The following WDR26 variants were observed in gnomAD, a reference collection of about 807,000 sequenced individuals.
WDR26 encodes the protein WD repeat-containing protein 26.
In WDR26, 5 loss-of-function variants were observed where a neutral mutation model predicts 84.1. The ratio of observed to expected loss-of-function variants is 0.06; its 90% CI spans 0.03 to 0.13. The LOEUF is 0.13. Ranked by LOEUF, WDR26 falls within the 10% of genes least tolerant of loss-of-function variation. The pLI, the probability that WDR26 is intolerant of heterozygous loss-of-function variation, is 1.00. For missense variants in WDR26, 642 were observed against 974.9 expected (o/e 0.66, Z 4.55); for synonymous variants, 415 against 389.6 (o/e 1.07, Z -0.77).
At chr1:224,430,795 A>G (rs1674368790) in intron 3 of WDR26, 1 of 152,186 alleles carries the variant, frequency 6.6e-6, no homozygotes, top group African/African-American at 2.4e-5. Flanking sequence ...CTCCCTCACC[A>G]CCATCTACTG....
At chr1:224,396,896 GAA>G in intron 12 of WDR26, among the ~76,000 whole-genome samples, 1 of 110 alleles carries the variant, frequency 9.1e-3, no homozygotes, top group Admixed American at 0.071. Context: ...CTCAAAAAAA[GAA>G]AAGAAAAGAA....
intron 1 of WDR26, among the ~76,000 whole-genome samples, chr1:224,432,179 T>A (rs1389432317): frequency 3.9e-5 from 6 of 152,344 alleles, no homozygotes; most frequent in Non-Finnish European, 5.9e-5. Context: ...GATGACCGTA[T>A]CAGTTAAGAG....
chr1:224,410,281 CAAAAA>C (rs10707541), intron 7 of WDR26, among the ~76,000 whole-genome samples: 1 of 103,158 alleles, frequency 9.7e-6, no homozygotes, highest in Non-Finnish European at 2.0e-5. Context: ...GACTTTGTCT[CAAAAA>C]AAAAAAAAAA....
intron 13 of WDR26, among the ~76,000 whole-genome samples, chr1:224,393,281 A>G (rs1673174850): frequency 6.6e-6 from 1 of 152,248 alleles, no homozygotes; most frequent in Non-Finnish European, 1.5e-5. Context: ...TATGCAAGAC[A>G]GTATATGTAA....
intron 13 of WDR26, among the ~76,000 whole-genome samples, chr1:224,393,157 T>G (rs1673172402): frequency 6.6e-6 from 1 of 152,208 alleles, no homozygotes; most frequent in South Asian, 2.1e-4. Context: ...CCTTTCAGAC[T>G]TAGACTTGAA....
chr1:224,425,871 T>C (rs1328794188), intron 3 of WDR26, among the ~76,000 whole-genome samples: 1 of 152,196 alleles, frequency 6.6e-6, no homozygotes, highest in Non-Finnish European at 1.5e-5. Context: ...TTTCTTCTTT[T>C]TTTTTTGAGA....
intron 1 of WDR26, among the ~76,000 whole-genome samples, chr1:224,432,033 T>C (rs1485216591): frequency 6.6e-6 from 1 of 152,208 alleles, no homozygotes; most frequent in Non-Finnish European, 1.5e-5. Context: ...ATTTAATGCC[T>C]CAATTTAATG....
chr1:224,425,408 T>C (rs1272781600), intron 3 of WDR26, among the ~76,000 whole-genome samples: 2 of 152,222 alleles, frequency 1.3e-5, no homozygotes, highest in African/African-American at 2.4e-5. Flanking sequence ...CACTGATGCA[T>C]TTAAAAGTGA....
At chr1:224,402,269 T>C (rs1673440023) in intron 8 of WDR26, among the ~76,000 whole-genome samples, 1 of 152,166 alleles carries the variant, frequency 6.6e-6, no homozygotes, top group Non-Finnish European at 1.5e-5. Context: ...TTCCCCCAAA[T>C]TGTTAACTAC....
chr1:224,385,194 G>A lies in WDR26; in HGVS notation c.*4641C>T, dbSNP rs1018859954. 1.5e-4 allele frequency: 23 copies of A among 152,062 alleles called. No homozygotes were observed. The highest frequency in any genetic ancestry group is 5.3e-4 in the African/African-American group (22 of 41,410). The allele number at this position is 152,062 out of a possible 1,614,324, so 9.4% of individuals were successfully genotyped here. ...GGATTGAAAGAAAGGGAATACAAAC[G>A]ACTGGTTAAGTGCTGCGCACTGACA... On this transcript the variant is annotated 3_prime_UTR_variant, in exon 14 of 14. Coordinates refer to ENST00000414423, the MANE Select transcript of WDR26 (RefSeq NM_001379403.1).
chr1:224,393,750 A>G (rs1673186156), intron 13 of WDR26, 78 bp downstream of exon 13: 3 of 1,266,238 alleles, frequency 2.4e-6, no homozygotes, highest in African/African-American at 1.5e-5. Context: ...AAACTTGCTT[A>G]AAACTGCTTT....
intron 7 of WDR26, among the ~76,000 whole-genome samples, chr1:224,405,263 ATC>A (rs1385764589): frequency 6.6e-6 from 1 of 152,152 alleles, no homozygotes; most frequent in Non-Finnish European, 1.5e-5. Flanking sequence ...TTAGTATTTA[ATC>A]TCTTTTTATT....
intron 12 of WDR26, among the ~76,000 whole-genome samples, chr1:224,394,495 T>C (rs2102887221): frequency 6.6e-6 from 1 of 150,924 alleles, no homozygotes; most frequent in African/African-American, 2.4e-5. Context: ...AAATGGGTAT[T>C]CTGCTTATCC....
In WDR26 at chr1:224,431,684, T is replaced by C; in HGVS notation, c.820A>G (p.Lys274Glu). The change falls in exon 2 of 14, where the codon AAG becomes GAG. Residue 274 changes from lysine to glutamate, a missense_variant and splice_region_variant. Lys to Glu is a moderately conservative substitution (Grantham distance 56). Transcript: ENST00000414423. ...CAGCTCTATATGCCCTACTTTACCTTATCCCAGTCTCCTTCCATGACATGA... is the reference window on the plus strand; with the variant it reads ...CAGCTCTATATGCCCTACTTTACCTCATCCCAGTCTCCTTCCATGACATGA... 1 of 1,613,624 alleles carries C rather than the reference T, an allele frequency of 6.2e-7. No homozygotes were observed. Among genetic ancestry groups the C allele is most frequent in the Non-Finnish European group, 8.5e-7 (1 of 1,179,594 alleles).
Position 224,434,082 on chromosome 1 carries a change from T to C in WDR26, c.324A>G (p.Gly108=). 6.9e-7 allele frequency: 1 copy of C among 1,448,158 alleles called. No individual in the cohort carries two copies. The highest frequency in any genetic ancestry group is 9.0e-7 in the Non-Finnish European group (1 of 1,105,942). 89.7% of individuals were successfully genotyped at this position (1,448,158 alleles called of 1,614,324 possible). The change falls in exon 1 of 14, where the codon GGA becomes GGG. Residue 108 remains glycine, a synonymous_variant. Coordinates refer to ENST00000414423, the MANE Select transcript of WDR26 (RefSeq NM_001379403.1). ...CGCCGCCGCCGCCACCTCCTCCTCCTCCTCCTGCCCCATTGGCCTGCATGA... is the reference window on the plus strand; with the variant it reads ...CGCCGCCGCCGCCACCTCCTCCTCCCCCTCCTGCCCCATTGGCCTGCATGA...
chr1:224,431,597 T>TA lies in WDR26; in HGVS notation c.823-17dup. ...CATTTTCTGCCTGTAAAAATTGGTA[T>TA]AAAAGAAAAACAGAAATGTCACAAA... On this transcript the variant is annotated splice_polypyrimidine_tract_variant and intron_variant, in intron 2 of 13. Transcript: ENST00000414423. The TA allele has an allele frequency of 6.2e-7, 1 of 1,612,262 alleles. No homozygotes were observed. Among genetic ancestry groups the TA allele is most frequent in the Non-Finnish European group, 8.5e-7 (1 of 1,178,612 alleles).
At chr1:224,427,687 A>G (rs1674268503) in intron 3 of WDR26, among the ~76,000 whole-genome samples, 1 of 152,204 alleles carries the variant, frequency 6.6e-6, no homozygotes, top group East Asian at 1.9e-4. Context: ...ACAGCTAGAG[A>G]TCTGTTTGAA....
At position 224,434,546 on chromosome 1, in the gene WDR26, G is replaced by T; in HGVS notation, c.-141C>A. Reference sequence around the variant, plus strand: ...GTGAGAGGAGGGGGAGGAGGAGGAGGGGGAGAAGGAGGATCCGGGCCCTTT... The same window carrying T: ...GTGAGAGGAGGGGGAGGAGGAGGAGTGGGAGAAGGAGGATCCGGGCCCTTT... On this transcript the variant is annotated 5_prime_UTR_variant, in exon 1 of 14. Coordinates refer to ENST00000414423, the MANE Select transcript of WDR26 (RefSeq NM_001379403.1). 1 of 357,324 alleles carries T rather than the reference G, an allele frequency of 2.8e-6. No homozygotes were observed. The highest frequency in any genetic ancestry group is 3.8e-6 in the Non-Finnish European group (1 of 260,458). 22.1% of individuals were successfully genotyped at this position (357,324 alleles called of 1,614,324 possible). A position where few individuals can be genotyped will look rare whatever the true frequency, so the allele number is the denominator to read the frequency against.
At chr1:224,410,227 G>C (rs951622426) in intron 7 of WDR26, among the ~76,000 whole-genome samples, 8 of 143,188 alleles carry the variant, frequency 5.6e-5, no homozygotes, top group Non-Finnish European at 1.0e-4. Flanking sequence ...GTTGCAGTGA[G>C]CCAAGATCGC....
Sources: gnomAD v4.1 joint callset for allele counts (sites outside exome capture counted in the v4.1 genomes callset) on GRCh38, gnomAD v4.1.1 for gene constraint, MANE v1.5 for transcripts, NCBI Gene and HGNC (gene_info 2026-07-23, HGNC 2026-07-21) for gene names.